Variants in TRMT44 observed in about 807,000 individuals in gnomAD.
TRMT44 encodes the protein tRNA methyltransferase 44 homolog.
In TRMT44, 78 loss-of-function variants were observed where a neutral mutation model predicts 77.3. The ratio of observed to expected loss-of-function variants is 1.01; its 90% CI spans 0.84 to 1.22. TRMT44 has a LOEUF of 1.22. Among genes scored for constraint, TRMT44 ranks in the 50% most tolerant of loss-of-function variants. The probability of loss-of-function intolerance (pLI) is 0.00; values close to 1 mark genes in which losing one functional copy is unlikely to be tolerated. For synonymous variants in TRMT44, 391 were observed against 383.3 expected (o/e 1.02, Z -0.23); for missense variants, 1,090 against 964.4 (o/e 1.13, Z -1.73).
In TRMT44 at chr4:8,440,859, G is replaced by T; in HGVS notation, c.37G>T (p.Gly13Cys). The T allele has an allele frequency of 6.6e-7, 1 of 1,518,036 alleles. No individual in the cohort carries two copies. Among genetic ancestry groups the T allele is most frequent in the Non-Finnish European group, 8.8e-7 (1 of 1,139,476 alleles). 94.0% of individuals were successfully genotyped at this position (1,518,036 alleles called of 1,614,324 possible). A position where few individuals can be genotyped will look rare whatever the true frequency, so the allele number is the denominator to read the frequency against. The change falls in exon 1 of 11, where the codon GGC (glycine) becomes TGC (cysteine). Residue 13 changes from glycine to cysteine, a missense_variant. Physicochemically the swap from Gly to Cys is radical, Grantham distance 159. Coordinates refer to ENST00000389737, the MANE Select transcript of TRMT44 (RefSeq NM_152544.3). ...EVGRTGISYP[G>C]ALLPQGFWAA... Reference sequence around the variant, plus strand: ...GGGCCGTACCGGGATCAGCTACCCAGGCGCGCTTCTCCCACAGGGCTTCTG... The same window carrying T: ...GGGCCGTACCGGGATCAGCTACCCATGCGCGCTTCTCCCACAGGGCTTCTG...
At chr4:8,516,403 T>A in the TRMT44 span, among the ~76,000 whole-genome samples, 1 of 152,182 alleles carries the variant, frequency 6.6e-6, no homozygotes, top group Non-Finnish European at 1.5e-5. Context: ...CAGATACTGA[T>A]GACTCATCTC....
chr4:8,516,442 C>T, the TRMT44 span, among the ~76,000 whole-genome samples: 1 of 152,198 alleles, frequency 6.6e-6, no homozygotes, highest in African/African-American at 2.4e-5. Flanking sequence ...ATCAACAAGC[C>T]TAATTCTCCA....
In TRMT44 at chr4:8,476,261, T is replaced by A. The variant is rs1451770806; in HGVS notation, c.*260T>A. ...AAACGTGCGCAGCATCTTCATATCA[T>A]AAAGATTGTGCACGGATCCTTACAA... On this transcript the variant is annotated 3_prime_UTR_variant, in exon 11 of 11. Coordinates refer to ENST00000389737, the MANE Select transcript of TRMT44 (RefSeq NM_152544.3). The A allele has an allele frequency of 5.6e-6, 3 of 537,924 alleles. No individual in the cohort carries two copies. In the African/African-American group the frequency reaches 5.7e-5, roughly 10 times the overall value. The allele number at this position is 537,924 out of a possible 1,614,324, so 33.3% of individuals were successfully genotyped here. A position where few individuals can be genotyped will look rare whatever the true frequency, so the allele number is the denominator to read the frequency against.
rs1171849511 is a variant in TRMT44, at chr4:8,441,373, G to A, written c.551G>A (p.Arg184Lys). Residue 184 changes from arginine (R) to lysine (K), a missense_variant, in exon 1 of 11, where the codon AGA (arginine) becomes AAA (lysine). By Grantham distance (26) the Arg-to-Lys change is conservative (BLOSUM62 2). Transcript: ENST00000389737. ...EAQRELDVVL[R>K]TVIPKTSPHC... is the part of the protein sequence containing the mutation. ...CAGCGTGAGCTCGACGTGGTTCTCA[G>A]AACCGTCATCCCGAAAACTAGCCCA... 3 of 1,532,934 alleles carry A rather than the reference G, an allele frequency of 2.0e-6. No homozygotes were observed. In the Admixed American group the frequency reaches 5.9e-5, roughly 30 times the overall value. The allele number at this position is 1,532,934 out of a possible 1,614,324, so 95.0% of individuals were successfully genotyped here.
rs772961626 is a variant in TRMT44, at chr4:8,475,851, A to ACTG, written c.2127_2129dup (p.Leu710dup). The ACTG allele has an allele frequency of 1.2e-6, 2 of 1,614,150 alleles. No homozygotes were observed. The highest frequency in any genetic ancestry group is 1.7e-6 in the Non-Finnish European group (2 of 1,180,034). On this transcript the variant is annotated inframe_insertion, in exon 11 of 11. Coordinates refer to ENST00000389737, the MANE Select transcript of TRMT44 (RefSeq NM_152544.3). Reference sequence around the variant, plus strand: ...CAAAGCAACCGGAAGCGAAACAGAGACTGCTCTCTGAAGCCTGCAAAACCC... The same window carrying ACTG: ...CAAAGCAACCGGAAGCGAAACAGAGACTGCTGCTCTCTGAAGCCTGCAAAACCC...
Position 8,471,204 on chromosome 4 carries a change from C to G in TRMT44, c.2044+4C>G. 1 of 1,544,388 alleles carries G rather than the reference C, an allele frequency of 6.5e-7. No homozygotes were observed. The highest frequency in any genetic ancestry group is 1.2e-5 in the South Asian group (1 of 83,414). The stretch of plus-strand genomic sequence containing the variant: ...AACAGCCACCAGGTGTTCCAAGGTA[C>G]GGAGTCCGCCTCTCCCCCGCCGTTC... On this transcript the variant is annotated splice_donor_region_variant and intron_variant, in intron 10 of 10. Coordinates refer to ENST00000389737, the MANE Select transcript of TRMT44 (RefSeq NM_152544.3).
rs1341095708 is a variant in TRMT44, at chr4:8,441,240, G to T, written c.418G>T (p.Ala140Ser). 2.0e-6 allele frequency: 3 copies of T among 1,535,456 alleles called. No individual in the cohort carries two copies. Among genetic ancestry groups the T allele is most frequent in the Non-Finnish European group, 2.6e-6 (3 of 1,146,568 alleles). The part of the protein sequence containing the change: ...AEGREGDFPA[A>S]DLDSLWEDFS... ...AGGAAGGGAGGGCGACTTCCCCGCC[G>T]CAGATCTGGATTCGCTTTGGGAGGA... Residue 140 changes from alanine (A) to serine (S), a missense_variant, in exon 1 of 11, where the codon GCA (alanine) becomes TCA (serine). By Grantham distance (99) the Ala-to-Ser change is moderately conservative (BLOSUM62 1). Transcript: ENST00000389737.
intron 10 of TRMT44, among the ~76,000 whole-genome samples, chr4:8,471,413 G>T (rs138548548): frequency 6.6e-6 from 1 of 152,130 alleles, no homozygotes; most frequent in African/African-American, 2.4e-5. Context: ...TCTGGACCTC[G>T]TCCCATGCGA....
At chr4:8,478,430 C>T (rs1022981395), downstream of TRMT44, 2 of 152,680 alleles carry the variant, frequency 1.3e-5, no homozygotes, top group African/African-American at 4.8e-5. Context: ...TAGAAACAGC[C>T]CTTGGGGACT....
intron 10 of TRMT44, among the ~76,000 whole-genome samples, chr4:8,472,422 G>T (rs1323820331): frequency 6.6e-6 from 1 of 152,224 alleles, no homozygotes; most frequent in African/African-American, 2.4e-5. Flanking sequence ...GGAAGGAGTG[G>T]CCTGGCTTAC....
intron 2 of TRMT44, among the ~76,000 whole-genome samples, chr4:8,488,668 A>G (rs944121252): frequency 6.6e-6 from 1 of 152,236 alleles, no homozygotes; most frequent in Non-Finnish European, 1.5e-5. Flanking sequence ...CGTGCAAGTC[A>G]CAGGGGATGC....
intron 2 of TRMT44, among the ~76,000 whole-genome samples, chr4:8,486,890 CG>C (rs1323623998): frequency 6.6e-6 from 1 of 150,550 alleles, no homozygotes; most frequent in African/African-American, 2.4e-5. Flanking sequence ...TAGCTCAGCC[CG>C]GCGAGGAGCA....
intron 6 of TRMT44, among the ~76,000 whole-genome samples, chr4:8,455,364 G>A (rs1271401276): frequency 1.3e-5 from 2 of 152,242 alleles, no homozygotes; most frequent in Non-Finnish European, 2.9e-5. Context: ...CCATGAGCAA[G>A]TGGAGGCAGC....
rs1222964897 is a variant in TRMT44, at chr4:8,446,635, G to A, written c.734+45G>A. 2.9e-6 allele frequency: 4 copies of A among 1,389,726 alleles called. No individual in the cohort carries two copies. Among genetic ancestry groups the A allele is most frequent in the East Asian group, 2.5e-5 (1 of 39,992 alleles). 86.1% of individuals were successfully genotyped at this position (1,389,726 alleles called of 1,614,324 possible). A position where few individuals can be genotyped will look rare whatever the true frequency, so the allele number is the denominator to read the frequency against. On this transcript the variant is annotated intron_variant, in intron 2 of 10. Coordinates refer to ENST00000389737, the MANE Select transcript of TRMT44 (RefSeq NM_152544.3). The surrounding 1 kb of genome is among the most constrained non-coding windows in gnomAD (Gnocchi z 4.3). ...CTCCTAGTTTTATGGTTTCCATTGA[G>A]GATTTCTTTAGGTAGCCAAAGGATT... is the stretch of plus-strand genomic sequence containing the variant.
chr4:8,475,296 GGTCCCTCCTTCCTCCACTCA>G (rs1727301210), intron 10 of TRMT44, among the ~76,000 whole-genome samples: 1 of 152,174 alleles, frequency 6.6e-6, no homozygotes, highest in Non-Finnish European at 1.5e-5. Flanking sequence ...CTCACACCGT[GGTCCCTCCTTCCTCCACTCA>G]AGTGATCCTT....
At chr4:8,496,565 G>A (rs898607284), downstream of TRMT44, among the ~76,000 whole-genome samples, 1 of 152,220 alleles carries the variant, frequency 6.6e-6, no homozygotes, top group Non-Finnish European at 1.5e-5. Context: ...CCTCTGGGCA[G>A]TTAACCAGAG....
chr4:8,512,506 T>C, the TRMT44 span: 126,487 of 152,244 alleles, frequency 0.83, 52,692 homozygotes, highest in East Asian at 0.92. Flanking sequence ...AATGTGACTC[T>C]GTGAAAATGA....
intron 2 of TRMT44, among the ~76,000 whole-genome samples, chr4:8,487,688 G>C (rs962996419): frequency 6.6e-6 from 1 of 152,096 alleles, no homozygotes; most frequent in African/African-American, 2.4e-5. Context: ...TTACCACTAA[G>C]CGTGAAGGAG....
downstream of TRMT44, among the ~76,000 whole-genome samples, chr4:8,481,473 A>G (rs1462753456): frequency 2.6e-5 from 4 of 152,208 alleles, no homozygotes; most frequent in Admixed American, 6.5e-5. Context: ...CAAATACTTT[A>G]CAGGGATCTA....
Sources: allele counts gnomAD v4.1 joint callset (sites outside exome capture counted in the v4.1 genomes callset), GRCh38; gene constraint gnomAD v4.1.1; non-coding constraint Gnocchi (gnomAD v3.1); transcripts MANE v1.5; gene names NCBI Gene and HGNC (gene_info 2026-07-23, HGNC 2026-07-21).